PTPRD: variants seen among roughly 807,000 people sequenced by gnomAD.
PTPRD encodes the protein protein tyrosine phosphatase receptor type D, also known as receptor-type tyrosine-protein phosphatase delta.
In PTPRD, 34 loss-of-function variants were observed where a neutral mutation model predicts 214.5. The ratio of observed to expected loss-of-function variants is 0.16; its 90% CI spans 0.12 to 0.21. The LOEUF (loss-of-function observed/expected upper bound fraction) is 0.21. Ranked by LOEUF, PTPRD falls within the 10% of genes least tolerant of loss-of-function variation. PTPRD has a pLI of 1.00. For synonymous variants in PTPRD, 1,128 were observed against 845.7 expected, an observed-to-expected ratio of 1.33 and a Z score of -5.79; for missense variants, 2,545 against 2,398.7, an observed-to-expected ratio of 1.06 and a Z score of -1.27.
chr9:8,522,305 A>G (rs904019559), intron 19 of PTPRD, among the ~76,000 whole-genome samples: 5 of 152,150 alleles, frequency 3.3e-5, no homozygotes, highest in African/African-American at 1.2e-4. Context: ...CAGAAGAAAT[A>G]AGGGGGCAAT....
chr9:9,280,148 T>A (rs1947140024), intron 9 of PTPRD, among the ~76,000 whole-genome samples: 1 of 151,226 alleles, frequency 6.6e-6, no homozygotes. Context: ...ACATGACAAA[T>A]ACTCTCATGG....
chr9:9,646,695 T>C (rs1216956827), intron 7 of PTPRD, among the ~76,000 whole-genome samples: 1 of 152,144 alleles, frequency 6.6e-6, no homozygotes, highest in African/African-American at 2.4e-5. Flanking sequence ...TCTAAGACCC[T>C]CAGTGGATGC....
Position 9,053,660 on chromosome 9 carries a change from G to A in PTPRD, c.-142-34925C>T, listed in dbSNP as rs544281421. ...TTATTAAATTTCTGTTGCTTTAAGTGACCAAGTCTGTGGTACTTTTTACAA... is the reference window on the plus strand; with the variant it reads ...TTATTAAATTTCTGTTGCTTTAAGTAACCAAGTCTGTGGTACTTTTTACAA... On this transcript the variant is annotated intron_variant, in intron 10 of 45. Transcript: ENST00000381196. Among the ~76,000 whole-genome samples the A allele has an allele frequency of 2.5e-4, 38 of 152,218 alleles. No homozygotes were observed. In the South Asian group the frequency reaches 7.5e-3, roughly 30 times the overall value.
intron 11 of PTPRD, among the ~76,000 whole-genome samples, chr9:8,908,886 T>A (rs928022120): frequency 2.0e-5 from 3 of 151,050 alleles, no homozygotes; most frequent in African/African-American, 7.3e-5. Context: ...AAAGAAGACC[T>A]ATCATTATTA....
At chr9:8,643,730 G>A (rs545606414) in intron 12 of PTPRD, among the ~76,000 whole-genome samples, 73 of 152,344 alleles carry the variant, frequency 4.8e-4, no homozygotes, top group African/African-American at 1.7e-3. Flanking sequence ...CCAGCCCCTT[G>A]CTGCCTCAGC....
At chr9:9,964,308 G>A (rs557491793) in intron 4 of PTPRD, among the ~76,000 whole-genome samples, 6 of 152,234 alleles carry the variant, frequency 3.9e-5, no homozygotes, top group South Asian at 4.1e-4. Flanking sequence ...TTAGAAATAC[G>A]TTCTCTACTT....
chr9:8,781,031 G>C (rs1002169781), intron 11 of PTPRD, among the ~76,000 whole-genome samples: 3 of 152,126 alleles, frequency 2.0e-5, no homozygotes, highest in Non-Finnish European at 2.9e-5. Context: ...AGGTTTAACT[G>C]TACTTACAAG....
rs57068953 is a variant in PTPRD, at chr9:10,598,711, G to GTGGTGTGTGGTGT, written c.-600+13686_-600+13687insACACCACACACCA. Among the ~76,000 whole-genome samples, 64 of 137,180 alleles carry GTGGTGTGTGGTGT rather than the reference G, an allele frequency of 4.7e-4. No individual in the cohort carries two copies. The South Asian group carries it at 6.6e-3, about 14-fold the overall frequency. 90.0% of individuals were successfully genotyped at this position (137,180 alleles called of 152,430 possible). A position where few individuals can be genotyped will look rare whatever the true frequency, so the allele number is the denominator to read the frequency against. On this transcript the variant is annotated intron_variant, in intron 2 of 45. Coordinates refer to ENST00000381196, the MANE Select transcript of PTPRD (RefSeq NM_002839.4). ...GTGTGTGTGTGTGTGTGTGGTGTGT[G>GTGGTGTGTGGTGT]GTGTGTGTGTGTGTGTGTGTGTAGA...
intron 39 of PTPRD, among the ~76,000 whole-genome samples, chr9:8,370,207 T>TAC (rs78658053): frequency 0.024 from 1,980 of 82,030 alleles, 30 homozygotes; most frequent in African/African-American, 0.06. Flanking sequence ...CATATATATA[T>TAC]ACACACACAC....
chr9:9,457,306 A>C (rs909861845), intron 8 of PTPRD, among the ~76,000 whole-genome samples: 2 of 152,028 alleles, frequency 1.3e-5, no homozygotes, highest in African/African-American at 2.4e-5. Context: ...CCTTTATGAT[A>C]ATCGGTCTCT....
intron 8 of PTPRD, among the ~76,000 whole-genome samples, chr9:9,556,906 T>A (rs2081651928): frequency 6.6e-6 from 1 of 152,142 alleles, no homozygotes; most frequent in Admixed American, 6.5e-5. Flanking sequence ...TCAGACAGTA[T>A]CTTCAATTCT....
intron 33 of PTPRD, among the ~76,000 whole-genome samples, chr9:8,456,634 A>G (rs1227216970): frequency 6.6e-6 from 1 of 152,164 alleles, no homozygotes; most frequent in African/African-American, 2.4e-5. Flanking sequence ...TGATACAGAA[A>G]GAGAAGACTA....
chr9:9,235,197 T>A (rs2099965784), intron 9 of PTPRD, among the ~76,000 whole-genome samples: 1 of 152,058 alleles, frequency 6.6e-6, no homozygotes, highest in Non-Finnish European at 1.5e-5. Flanking sequence ...CCATCATATC[T>A]TATGCAAACC....
intron 8 of PTPRD, among the ~76,000 whole-genome samples, chr9:9,475,346 G>C (rs553706611): frequency 1.3e-5 from 2 of 152,150 alleles, no homozygotes; most frequent in Non-Finnish European, 2.9e-5. Flanking sequence ...TAAACAACCT[G>C]TATAGCCTCA....
intron 9 of PTPRD, among the ~76,000 whole-genome samples, chr9:9,218,043 G>C (rs1416273882): frequency 2.0e-5 from 3 of 152,102 alleles, no homozygotes; most frequent in Non-Finnish European, 2.9e-5. Context: ...TCCGAAAATA[G>C]AACATATAAC....
chr9:8,687,525 A>G (rs2154378251), intron 12 of PTPRD, among the ~76,000 whole-genome samples: 1 of 152,322 alleles, frequency 6.6e-6, no homozygotes, highest in Non-Finnish European at 1.5e-5. Context: ...AGGTGCCAAC[A>G]TCAACAAACA....
chr9:10,174,665 C>A (rs1307487407), intron 3 of PTPRD, among the ~76,000 whole-genome samples: 1 of 151,132 alleles, frequency 6.6e-6, no homozygotes, highest in East Asian at 1.9e-4. Context: ...TATGTATTTC[C>A]CCAAAAAAAG....
At chr9:9,264,746 T>C (rs530613904) in intron 9 of PTPRD, among the ~76,000 whole-genome samples, 3 of 151,600 alleles carry the variant, frequency 2.0e-5, no homozygotes, top group Admixed American at 1.3e-4. Flanking sequence ...AAAATAAAAC[T>C]GTCAAAAATC....
intron 3 of PTPRD, among the ~76,000 whole-genome samples, chr9:10,241,279 A>G (rs1007800399): frequency 3.3e-5 from 5 of 151,996 alleles, no homozygotes; most frequent in African/African-American, 1.2e-4. Context: ...AAATTTTGTA[A>G]AATATTTCAA....
Sources: allele counts gnomAD v4.1 joint callset (sites outside exome capture counted in the v4.1 genomes callset), GRCh38; gene constraint gnomAD v4.1.1; transcripts MANE v1.5; gene names NCBI Gene and HGNC (gene_info 2026-07-23, HGNC 2026-07-21).